TCF12: variants seen among roughly 807,000 people sequenced by gnomAD.
TCF12 encodes transcription factor 12, also known as DNA-binding protein HTF4.
In TCF12, 45 loss-of-function variants were observed where a neutral mutation model predicts 86.0. The observed-to-expected ratio is 0.52, with a 90% CI of 0.41 to 0.67. The LOEUF is 0.67. Among genes scored for constraint, TCF12 ranks in the 30% least tolerant of loss-of-function variants. The pLI is 0.00. For synonymous variants in TCF12, 330 were observed against 299.6 expected, an observed-to-expected ratio of 1.10 and a Z score of -1.05; for missense variants, 881 against 859.9, an observed-to-expected ratio of 1.02 and a Z score of -0.31.
intron 8 of TCF12, among the ~76,000 whole-genome samples, chr15:57,224,613 CTGT>C (rs2058779660): frequency 6.6e-6 from 1 of 152,036 alleles, no homozygotes; most frequent in Non-Finnish European, 1.5e-5. Context: ...ATTTTTCTTA[CTGT>C]TGTTAGAAAA....
intron 3 of TCF12, among the ~76,000 whole-genome samples, chr15:57,043,078 T>A (rs571839547): frequency 6.6e-6 from 1 of 152,330 alleles, no homozygotes; most frequent in African/African-American, 2.4e-5. Flanking sequence ...AGTGATAGAA[T>A]TTTTTCTTTC....
At chr15:56,975,497 C>T (rs940573432) in intron 3 of TCF12, among the ~76,000 whole-genome samples, 1 of 152,008 alleles carries the variant, frequency 6.6e-6, no homozygotes, top group Non-Finnish European at 1.5e-5. Context: ...TTTCTTTTAG[C>T]AATTTCAAAT....
chr15:57,065,327 C>G (rs1473716533), intron 4 of TCF12, among the ~76,000 whole-genome samples: 3 of 152,162 alleles, frequency 2.0e-5, no homozygotes, highest in Admixed American at 6.5e-5. Context: ...GCTATTTAAT[C>G]TTGGACGCAT....
intron 5 of TCF12, among the ~76,000 whole-genome samples, chr15:57,124,739 G>A (rs1386750472): frequency 2.0e-5 from 3 of 151,554 alleles, no homozygotes; most frequent in Admixed American, 1.3e-4. Flanking sequence ...GTGCAGTGAC[G>A]CGATCTCGGC....
intron 3 of TCF12, among the ~76,000 whole-genome samples, chr15:56,984,478 T>C (rs960350732): frequency 2.0e-5 from 3 of 152,154 alleles, no homozygotes; most frequent in Non-Finnish European, 4.4e-5. Context: ...AATTCTCTTG[T>C]CAGAGATAAA....
chr15:56,973,649 T>TA lies in TCF12; in HGVS notation c.148+52556dup, dbSNP rs574221680. 3.2e-4 allele frequency among the ~76,000 whole-genome samples: 48 copies of TA among 152,248 alleles called. No individual in the cohort carries two copies. In the East Asian group the frequency reaches 7.1e-3, roughly 23 times the overall value. On this transcript the variant is annotated intron_variant, in intron 3 of 20. Coordinates refer to ENST00000333725, the MANE Select transcript of TCF12 (RefSeq NM_207037.2). ...TGGTTAGTAATTGATTAATGGATGT[T>TA]AAAAACTACCAAAGTGAAAGTTTGA...
intron 6 of TCF12, among the ~76,000 whole-genome samples, chr15:57,182,940 C>T (rs1274899564): frequency 6.6e-6 from 1 of 152,056 alleles, no homozygotes; most frequent in Non-Finnish European, 1.5e-5. Flanking sequence ...TGCATGTTCC[C>T]GAGTTACTAT....
At chr15:57,219,556 G>T (rs370868162) in intron 8 of TCF12, 4 of 1,613,400 alleles carry the variant, frequency 2.5e-6, no homozygotes, top group Non-Finnish European at 3.4e-6. Context: ...GGAATGGGCA[G>T]CAATTCTTTG....
At chr15:57,197,030 T>A (rs1317202135) in intron 7 of TCF12, among the ~76,000 whole-genome samples, 5 of 152,100 alleles carry the variant, frequency 3.3e-5, no homozygotes, top group Admixed American at 1.3e-4. Flanking sequence ...CTCAGTGTGA[T>A]GCAATCACTA....
chr15:57,247,527 C>CAAAAGTTATA, intron 13 of TCF12: 1 of 894,376 alleles, frequency 1.1e-6, no homozygotes, highest in Non-Finnish European at 1.8e-6. Flanking sequence ...TCATGATCAT[C>CAAAAGTTATA]AAAAGTTATA....
intron 6 of TCF12, among the ~76,000 whole-genome samples, chr15:57,181,004 C>T (rs994208376): frequency 3.0e-4 from 46 of 151,440 alleles, no homozygotes; most frequent in East Asian, 5.9e-4. Context: ...TTAGTGGAGA[C>T]AGGGTTTCAC....
chr15:57,108,669 G>A (rs539538772), intron 5 of TCF12, among the ~76,000 whole-genome samples: 1 of 151,712 alleles, frequency 6.6e-6, no homozygotes, highest in Non-Finnish European at 1.5e-5. Context: ...GTGGGGGTGA[G>A]GGACATTGTT....
intron 3 of TCF12, among the ~76,000 whole-genome samples, chr15:56,977,394 G>A (rs1456663852): frequency 6.6e-6 from 1 of 152,152 alleles, no homozygotes; most frequent in East Asian, 1.9e-4. Flanking sequence ...GTAGCCAAGA[G>A]TGATGGCATG....
intron 7 of TCF12, among the ~76,000 whole-genome samples, chr15:57,195,843 G>T (rs1022277786): frequency 1.3e-5 from 2 of 152,004 alleles, no homozygotes; most frequent in Non-Finnish European, 2.9e-5. Context: ...CTCTACAAAC[G>T]AAATTTTTTT....
intron 4 of TCF12, among the ~76,000 whole-genome samples, chr15:57,065,880 A>G (rs1217566974): frequency 2.0e-5 from 3 of 152,190 alleles, no homozygotes; most frequent in Admixed American, 6.5e-5. Context: ...GCTAGTTTTC[A>G]TAGAACCATA....
intron 3 of TCF12, among the ~76,000 whole-genome samples, chr15:56,960,995 C>T (rs62022961): frequency 6.6e-6 from 1 of 151,662 alleles, no homozygotes; most frequent in South Asian, 2.1e-4. Flanking sequence ...CAAAAATTAG[C>T]TGGGTGTGGT....
At chr15:57,234,188 T>G in intron 12 of TCF12, 81 bp downstream of exon 12, 1 of 1,091,050 alleles carries the variant, frequency 9.2e-7, no homozygotes, top group Admixed American at 1.7e-5. Context: ...GTGATAAGTA[T>G]CTAAAGAGTA....
At chr15:57,247,294 A>G (rs1320682820) in intron 13 of TCF12, 5 of 655,182 alleles carry the variant, frequency 7.6e-6, no homozygotes, top group African/African-American at 3.6e-5. Context: ...CTCTGCTGCC[A>G]CCACCTTCAC....
intron 4 of TCF12, among the ~76,000 whole-genome samples, chr15:57,082,916 G>C (rs2048401552): frequency 6.6e-6 from 1 of 152,124 alleles, no homozygotes; most frequent in Non-Finnish European, 1.5e-5. Context: ...GAGGCAAGCT[G>C]AATGTCAATA....
Sources: gnomAD v4.1 joint callset for allele counts (sites outside exome capture counted in the v4.1 genomes callset) on GRCh38, gnomAD v4.1.1 for gene constraint, MANE v1.5 for transcripts, NCBI Gene and HGNC (gene_info 2026-07-23, HGNC 2026-07-21) for gene names.